GASK1B: variants seen among roughly 807,000 people sequenced by gnomAD.
GASK1B encodes the protein Golgi-associated kinase 1B.
In GASK1B, 34 loss-of-function variants were observed where a neutral mutation model predicts 42.8. That is an observed-to-expected ratio of 0.79 (90% confidence interval 0.60 to 1.06). The LOEUF (loss-of-function observed/expected upper bound fraction) is 1.06. Ranked by LOEUF, GASK1B falls within the 50% of genes least tolerant of loss-of-function variation. GASK1B has a pLI of 0.00. For synonymous variants in GASK1B, 262 were observed against 259.1 expected, an observed-to-expected ratio of 1.01 and a Z score of -0.11; for missense variants, 686 against 661.0, an observed-to-expected ratio of 1.04 and a Z score of -0.42.
At chr4:158,168,346 A>G (rs564977365) in intron 2 of GASK1B, 3 of 152,298 alleles carry the variant, frequency 2.0e-5, no homozygotes, top group African/African-American at 7.2e-5. Flanking sequence ...TTAAATATCT[A>G]AGAGGGATTG....
Position 158,124,905 on chromosome 4 carries a change from T to A in GASK1B, c.*2502A>T, listed in dbSNP as rs1305977229. 6.6e-6 allele frequency: 1 copy of A among 152,168 alleles called. No individual in the cohort carries two copies. The highest frequency in any genetic ancestry group is 1.5e-5 in the Non-Finnish European group (1 of 68,024). 9.4% of individuals were successfully genotyped at this position (152,168 alleles called of 1,614,324 possible). A position where few individuals can be genotyped will look rare whatever the true frequency, so the allele number is the denominator to read the frequency against. The stretch of plus-strand genomic sequence containing the variant: ...TTTTTAAGATACATATTTATTTTTA[T>A]ATTATTAGCTTAAAGAAAGTAAGTC... On this transcript the variant is annotated 3_prime_UTR_variant, in exon 5 of 5. Coordinates refer to ENST00000585682, the MANE Select transcript of GASK1B (RefSeq NM_001128424.2).
At chr4:158,170,194 TG>T in intron 2 of GASK1B, 2 of 1,591,452 alleles carry the variant, frequency 1.3e-6, no homozygotes, top group South Asian at 1.1e-5. Flanking sequence ...AATAAGCCAC[TG>T]GGAAGTGAAG....
At chr4:158,166,641 G>A (rs1413156623) in intron 2 of GASK1B, among the ~76,000 whole-genome samples, 2 of 152,080 alleles carry the variant, frequency 1.3e-5, no homozygotes, top group Non-Finnish European at 2.9e-5. Context: ...TGCAAGCACA[G>A]TACTTAGAAT....
chr4:158,170,198 A>G (rs1732413428), intron 2 of GASK1B: 6 of 1,595,630 alleles, frequency 3.8e-6, no homozygotes, highest in Non-Finnish European at 5.1e-6. Context: ...AGCCACTGGG[A>G]AGTGAAGCGA....
At chr4:158,157,370 G>T (rs1007701664) in intron 2 of GASK1B, among the ~76,000 whole-genome samples, 18 of 152,024 alleles carry the variant, frequency 1.2e-4, no homozygotes, top group African/African-American at 4.3e-4. Flanking sequence ...ATGATTTGGG[G>T]TTCCTGGGGC....
chr4:158,149,798 A>T (rs893675060), intron 3 of GASK1B, among the ~76,000 whole-genome samples: 4 of 152,118 alleles, frequency 2.6e-5, no homozygotes, highest in Admixed American at 2.0e-4. Context: ...TATGGAATCC[A>T]CCATCAGCCA....
intron 2 of GASK1B, among the ~76,000 whole-genome samples, chr4:158,163,371 C>T (rs1054770855): frequency 1.3e-5 from 2 of 152,134 alleles, no homozygotes; most frequent in Non-Finnish European, 2.9e-5. Flanking sequence ...GAGTTTGAGA[C>T]CAGCCTAGCC....
Position 158,171,273 on chromosome 4 carries a change from G to C in GASK1B, c.103C>G (p.Arg35Gly). The C allele has an allele frequency of 6.2e-7, 1 of 1,613,902 alleles. No individual in the cohort carries two copies. The highest frequency in any genetic ancestry group is 8.5e-7 in the Non-Finnish European group (1 of 1,179,994). ...KLWSSRRPRT[R>G]RNLLLGTACA... is the part of the protein sequence containing the mutation. Reference sequence around the variant, plus strand: ...GCAGTGCCCAGCAGAAGGTTTCTCCGGGTCCTTGGACGCCGGCTGCTCCAG... The same window carrying C: ...GCAGTGCCCAGCAGAAGGTTTCTCCCGGTCCTTGGACGCCGGCTGCTCCAG... Residue 35 changes from arginine to glycine, a missense_variant, in exon 2 of 5, where the codon CGG becomes GGG. Coordinates refer to ENST00000585682, the MANE Select transcript of GASK1B (RefSeq NM_001128424.2).
In GASK1B at chr4:158,137,473, G is replaced by A. The variant is rs1171230136; in HGVS notation, c.1126-6461C>T. ...GATGCAAAAACACATGGACTTATTT[G>A]TTTATCAGCTAATAACTTACACTGG... On this transcript the variant is annotated intron_variant, in intron 3 of 4. Coordinates refer to ENST00000585682, the MANE Select transcript of GASK1B (RefSeq NM_001128424.2). Among the ~76,000 whole-genome samples the A allele has an allele frequency of 2.0e-5, 3 of 152,172 alleles. No individual in the cohort carries two copies. The East Asian group carries it at 5.8e-4, about 29-fold the overall frequency.
chr4:158,132,254 T>C (rs1730712609), intron 3 of GASK1B, among the ~76,000 whole-genome samples: 1 of 152,180 alleles, frequency 6.6e-6, no homozygotes. Context: ...CACTGCCACT[T>C]TTATTCTTTT....
In GASK1B at chr4:158,171,430, C is replaced by T; in HGVS notation, c.-55G>A. On this transcript the variant is annotated 5_prime_UTR_variant, in exon 2 of 5. Coordinates refer to ENST00000585682, the MANE Select transcript of GASK1B (RefSeq NM_001128424.2). ...GTTTAAAGTCTGCAGTTGGCTCCTG[C>T]TAATGTGATGCATGGTTTCCTGACT... is the stretch of plus-strand genomic sequence containing the variant. The T allele has an allele frequency of 6.7e-6, 10 of 1,498,670 alleles. No individual in the cohort carries two copies. Among genetic ancestry groups the T allele is most frequent in the Non-Finnish European group, 8.9e-6 (10 of 1,121,636 alleles). The allele number at this position is 1,498,670 out of a possible 1,614,324, so 92.8% of individuals were successfully genotyped here.
At position 158,124,645 on chromosome 4, in the gene GASK1B, A is replaced by G. The variant is rs1730383151; in HGVS notation, c.*2762T>C. ...TAAGGTAAAGTATATTTAATGGCAC[A>G]GTAGAATAAACAGGCTATGATTACA... On this transcript the variant is annotated 3_prime_UTR_variant, in exon 5 of 5. Transcript: ENST00000585682. 2 of 152,196 alleles carry G rather than the reference A, an allele frequency of 1.3e-5. No homozygotes were observed. Among genetic ancestry groups the G allele is most frequent in the Non-Finnish European group, 2.9e-5 (2 of 68,034 alleles). The allele number at this position is 152,196 out of a possible 1,614,324, so 9.4% of individuals were successfully genotyped here. A position where few individuals can be genotyped will look rare whatever the true frequency, so the allele number is the denominator to read the frequency against.
chr4:158,171,316 G>T lies in GASK1B; in HGVS notation c.60C>A (p.Val20=). Residue 20 remains valine, a synonymous_variant, in exon 2 of 5, where the codon GTC becomes GTA. Transcript: ENST00000585682. ...LINWFICSLC[V]PRVRKLWSSR... Reference sequence around the variant, plus strand: ...TGCTCCAGAGCTTACGCACCCGCGGGACGCACAGGGAGCAGATGAACCAGT... The same window carrying T: ...TGCTCCAGAGCTTACGCACCCGCGGTACGCACAGGGAGCAGATGAACCAGT... 1 of 1,612,554 alleles carries T rather than the reference G, an allele frequency of 6.2e-7. No individual in the cohort carries two copies. Among genetic ancestry groups the T allele is most frequent in the Admixed American group, 1.7e-5 (1 of 59,928 alleles).
At chr4:158,155,100 T>C (rs558492065) in intron 3 of GASK1B, among the ~76,000 whole-genome samples, 12 of 152,328 alleles carry the variant, frequency 7.9e-5, no homozygotes, top group African/African-American at 2.4e-4. Context: ...TCCTTATACA[T>C]TCTTCCCTTT....
At chr4:158,166,403 G>T (rs1379863703) in intron 2 of GASK1B, among the ~76,000 whole-genome samples, 1 of 152,170 alleles carries the variant, frequency 6.6e-6, no homozygotes, top group Non-Finnish European at 1.5e-5. Context: ...GGAACTCTTT[G>T]TCATTTGATT....
At chr4:158,141,922 T>TACAGCACCAAA (rs1731145123) in intron 3 of GASK1B, among the ~76,000 whole-genome samples, 6 of 2,164 alleles carry the variant, frequency 2.8e-3, no homozygotes, top group Non-Finnish European at 7.4e-3. Context: ...TGTGGTTTCT[T>TACAGCACCAAA]TTTTTTTTTT....
Position 158,130,774 on chromosome 4 carries a change from T to C in GASK1B, c.1352+12A>G, listed in dbSNP as rs758518036. 15 of 1,594,820 alleles carry C rather than the reference T, an allele frequency of 9.4e-6. No homozygotes were observed. The Admixed American group carries it at 1.8e-4, about 20-fold the overall frequency. On this transcript the variant is annotated intron_variant, in intron 4 of 4. Transcript: ENST00000585682. ...AAATGTGATGTCCTGCAGATGTTAC[T>C]ATAAAACTTACTCTTTGATGCCTTC...
intron 2 of GASK1B, among the ~76,000 whole-genome samples, chr4:158,160,101 C>G (rs1731913712): frequency 6.6e-6 from 1 of 152,098 alleles, no homozygotes; most frequent in Non-Finnish European, 1.5e-5. Context: ...CAGTCCAGCT[C>G]CAGTCCTTCA....
rs1208724687 is a variant in GASK1B, at chr4:158,153,891, AC to A, written c.1125+1719del. On this transcript the variant is annotated intron_variant, in intron 3 of 4. Coordinates refer to ENST00000585682, the MANE Select transcript of GASK1B (RefSeq NM_001128424.2). ...GAAAGACCTAAATATAGAATCTGAA[AC>A]CATAAAAATTCCAGAAGATAACATC... 3.3e-5 allele frequency among the ~76,000 whole-genome samples: 5 copies of A among 152,202 alleles called. No homozygotes were observed. The East Asian group carries it at 9.6e-4, about 29-fold the overall frequency.
Sources: allele counts gnomAD v4.1 joint callset (sites outside exome capture counted in the v4.1 genomes callset), GRCh38; gene constraint gnomAD v4.1.1; transcripts MANE v1.5; gene names NCBI Gene and HGNC (gene_info 2026-07-23, HGNC 2026-07-21).